SPIDR: variants seen among roughly 807,000 people sequenced by gnomAD.
The protein encoded by SPIDR is scaffold protein involved in DNA repair, also known as DNA repair-scaffolding protein.
A neutral mutation model predicts 104.6 loss-of-function variants in SPIDR; 93 were observed. That is an observed-to-expected ratio of 0.89 (90% confidence interval 0.75 to 1.06). The LOEUF is 1.06. Among genes scored for constraint, SPIDR ranks in the 50% least tolerant of loss-of-function variants. The pLI, the probability that SPIDR is intolerant of heterozygous loss-of-function variation, is 0.00. For synonymous variants in SPIDR, 431 were observed against 416.9 expected (o/e 1.03, Z -0.41); for missense variants, 1,154 against 1,111.2 (o/e 1.04, Z -0.55).
At chr8:47,626,082 C>A (rs560084757) in intron 10 of SPIDR, among the ~76,000 whole-genome samples, 3 of 151,966 alleles carry the variant, frequency 2.0e-5, no homozygotes, top group African/African-American at 4.8e-5. Flanking sequence ...GAAATAATGC[C>A]GCATATCTAC....
At chr8:47,466,614 A>G (rs1363133719) in intron 8 of SPIDR, among the ~76,000 whole-genome samples, 2 of 152,038 alleles carry the variant, frequency 1.3e-5, no homozygotes, top group Non-Finnish European at 2.9e-5. Context: ...TAATCCCAGC[A>G]CTTTGGGAGG....
chr8:47,704,910 G>T (rs775820314), intron 14 of SPIDR, among the ~76,000 whole-genome samples: 1 of 152,154 alleles, frequency 6.6e-6, no homozygotes, highest in Admixed American at 6.5e-5. Flanking sequence ...CTGACTTCAC[G>T]CTCCTCTGCC....
intron 7 of SPIDR, among the ~76,000 whole-genome samples, chr8:47,420,935 G>T (rs903556011): frequency 6.6e-6 from 1 of 152,152 alleles, no homozygotes; most frequent in Non-Finnish European, 1.5e-5. Flanking sequence ...TTGAATATTG[G>T]CCCCCATTAT....
At chr8:47,551,862 T>A (rs948828446) in intron 8 of SPIDR, among the ~76,000 whole-genome samples, 3 of 152,196 alleles carry the variant, frequency 2.0e-5, no homozygotes, top group African/African-American at 4.8e-5. Context: ...ATTGTGATGT[T>A]AGGGTGTCAA....
chr8:47,581,139 C>G (rs553171326), intron 8 of SPIDR, among the ~76,000 whole-genome samples: 1 of 152,140 alleles, frequency 6.6e-6, no homozygotes. Context: ...TTCTGTCTCC[C>G]GTGTAGAAGG....
chr8:47,392,719 G>A (rs1027755143), intron 5 of SPIDR, among the ~76,000 whole-genome samples: 40 of 152,266 alleles, frequency 2.6e-4, no homozygotes, highest in African/African-American at 8.4e-4. Flanking sequence ...AAGCATCGTC[G>A]TACCAGGTTG....
chr8:47,489,657 C>T (rs375918429), intron 8 of SPIDR, among the ~76,000 whole-genome samples: 1 of 152,094 alleles, frequency 6.6e-6, no homozygotes, highest in Non-Finnish European at 1.5e-5. Context: ...AACAGAGATA[C>T]AGACCAATGG....
intron 5 of SPIDR, among the ~76,000 whole-genome samples, chr8:47,357,117 T>C (rs1554626300): frequency 6.6e-6 from 1 of 152,212 alleles, no homozygotes; most frequent in Admixed American, 6.5e-5. Flanking sequence ...GTTGAGTGCT[T>C]GTGTAACATA....
chr8:47,548,993 C>T (rs939618466), intron 8 of SPIDR, among the ~76,000 whole-genome samples: 42 of 152,280 alleles, frequency 2.8e-4, no homozygotes, highest in African/African-American at 9.9e-4. Context: ...TGGTTCACTT[C>T]CCACCTATAA....
chr8:47,349,623 A>G (rs1419690905), intron 5 of SPIDR, among the ~76,000 whole-genome samples: 1 of 152,216 alleles, frequency 6.6e-6, no homozygotes, highest in Non-Finnish European at 1.5e-5. Flanking sequence ...AGTGGGCTCC[A>G]GCCAGTTCGA....
At position 47,267,135 on chromosome 8, in the gene SPIDR, T is replaced by C. The variant is rs74778077; in HGVS notation, c.33+6144T>C. Among the ~76,000 whole-genome samples, 698 of 152,306 alleles carry C rather than the reference T, an allele frequency of 4.6e-3. 5 individuals are homozygous for C. Among genetic ancestry groups the C allele is most frequent in the African/African-American group, 0.016 (661 of 41,566 alleles). Reference sequence around the variant, plus strand: ...TTTGAAAAATCCATTTATTAGTTGATAGACATTTGGATTATTTCCACCTTT... The same window carrying C: ...TTTGAAAAATCCATTTATTAGTTGACAGACATTTGGATTATTTCCACCTTT... On this transcript the variant is annotated intron_variant, in intron 1 of 19. Coordinates refer to ENST00000297423, the MANE Select transcript of SPIDR (RefSeq NM_001080394.4).
rs574183347 is a variant in SPIDR at position 47,440,606 on chromosome 8, T to C, written c.1097+64T>C. 303 of 1,496,570 alleles carry C rather than the reference T, an allele frequency of 2.0e-4. 3 individuals are homozygous for C. The South Asian group carries it at 3.5e-3, about 17-fold the overall frequency. The allele number at this position is 1,496,570 out of a possible 1,614,324, so 92.7% of individuals were successfully genotyped here. A position where few individuals can be genotyped will look rare whatever the true frequency, so the allele number is the denominator to read the frequency against. ...GAGTCAGCCTCGTAAGAAAAGACAT[T>C]TTTATCAGTTACATTTTTGTCACTT... On this transcript the variant is annotated intron_variant, in intron 8 of 19. Coordinates refer to ENST00000297423, the MANE Select transcript of SPIDR (RefSeq NM_001080394.4).
At chr8:47,263,070 C>T (rs2032934420) in intron 1 of SPIDR, among the ~76,000 whole-genome samples, 1 of 152,102 alleles carries the variant, frequency 6.6e-6, no homozygotes, top group Admixed American at 6.6e-5. Flanking sequence ...AGGTAGATAC[C>T]ATTAGTCTCA....
chr8:47,397,410 T>C (rs1263670678), intron 6 of SPIDR, among the ~76,000 whole-genome samples: 1 of 151,906 alleles, frequency 6.6e-6, no homozygotes, highest in Non-Finnish European at 1.5e-5. Context: ...GCAGGAGAAT[T>C]GCTTGAATCT....
chr8:47,551,377 T>A (rs1012220769), intron 8 of SPIDR, among the ~76,000 whole-genome samples: 1 of 152,214 alleles, frequency 6.6e-6, no homozygotes, highest in African/African-American at 2.4e-5. Flanking sequence ...CTGGTGGAAT[T>A]TGGCTGTGAA....
intron 8 of SPIDR, among the ~76,000 whole-genome samples, chr8:47,465,074 C>A (rs2074560777): frequency 6.6e-6 from 1 of 152,130 alleles, no homozygotes. Context: ...ACTCAACATT[C>A]TTAAAGAAAG....
At chr8:47,703,181 C>T (rs1452925295) in intron 14 of SPIDR, among the ~76,000 whole-genome samples, 2 of 152,254 alleles carry the variant, frequency 1.3e-5, no homozygotes, top group Non-Finnish European at 2.9e-5. Flanking sequence ...TGGTTGCATA[C>T]AACCCAATTC....
intron 8 of SPIDR, among the ~76,000 whole-genome samples, chr8:47,574,183 G>A (rs2058825894): frequency 1.3e-5 from 2 of 152,166 alleles, no homozygotes; most frequent in Non-Finnish European, 2.9e-5. Context: ...TGTAATGTCA[G>A]TTTCATCTTT....
intron 8 of SPIDR, among the ~76,000 whole-genome samples, chr8:47,487,961 C>T (rs965979499): frequency 5.3e-5 from 8 of 151,974 alleles, no homozygotes; most frequent in Non-Finnish European, 8.8e-5. Context: ...TAAGCAAGAG[C>T]GAACACATTC....
Sources: allele counts gnomAD v4.1 joint callset (sites outside exome capture counted in the v4.1 genomes callset), GRCh38; gene constraint gnomAD v4.1.1; transcripts MANE v1.5; gene names NCBI Gene and HGNC (gene_info 2026-07-23, HGNC 2026-07-21).